Variants in PTGER4 observed in about 807,000 individuals in gnomAD.
The protein encoded by PTGER4 is prostaglandin E receptor 4.
A neutral mutation model predicts 33.2 loss-of-function variants in PTGER4; 11 were observed. The observed-to-expected ratio is 0.33, with a 90% CI of 0.21 to 0.55. PTGER4 has a LOEUF of 0.55. Among genes scored for constraint, PTGER4 ranks in the 20% least tolerant of loss-of-function variants. The pLI is 0.92. For missense variants in PTGER4, 481 were observed against 650.2 expected (o/e 0.74, Z 2.83); for synonymous variants, 275 against 281.5 (o/e 0.98, Z 0.23).
downstream of PTGER4, among the ~76,000 whole-genome samples, chr5:40,695,729 A>G (rs1371456872): frequency 6.6e-6 from 1 of 152,104 alleles, no homozygotes; most frequent in Admixed American, 6.5e-5. Context: ...AAAAAATGGT[A>G]CTTTGTGCGG....
chr5:40,743,752 C>T, the PTGER4 span, among the ~76,000 whole-genome samples: 43 of 152,176 alleles, frequency 2.8e-4, no homozygotes, highest in African/African-American at 1.0e-3. Flanking sequence ...CCAGCCTGGG[C>T]AACAGTGCAA....
At chr5:40,695,521 G>A (rs1054246675), downstream of PTGER4, among the ~76,000 whole-genome samples, 2 of 151,972 alleles carry the variant, frequency 1.3e-5, no homozygotes, top group Non-Finnish European at 2.9e-5. Context: ...ACTCTAGCCT[G>A]GGCGACACAG....
At chr5:40,716,215 A>G in the PTGER4 span, 4 of 1,614,066 alleles carry the variant, frequency 2.5e-6, no homozygotes, top group African/African-American at 5.3e-5. Flanking sequence ...TACAGTCTCT[A>G]TGGCCCCAGA....
At chr5:40,725,003 T>C in the PTGER4 span, among the ~76,000 whole-genome samples, 33,110 of 151,784 alleles carry the variant, frequency 0.22, 4,320 homozygotes, top group Admixed American at 0.37. Flanking sequence ...CACACCACCA[T>C]GCCTGGCTAA....
downstream of PTGER4, among the ~76,000 whole-genome samples, chr5:40,697,170 A>G (rs1741618099): frequency 6.7e-6 from 1 of 149,712 alleles, no homozygotes; most frequent in South Asian, 2.1e-4. Context: ...GAAAAGAAAG[A>G]AAGGAAGAAA....
In PTGER4 at chr5:40,691,706, G is replaced by A. The variant is rs1407503768; in HGVS notation, c.868-73G>A. The A allele has an allele frequency of 4.6e-6, 7 of 1,524,326 alleles. No individual in the cohort carries two copies. The highest frequency in any genetic ancestry group is 1.4e-5 in the African/African-American group (1 of 72,114). 94.4% of individuals were successfully genotyped at this position (1,524,326 alleles called of 1,614,324 possible). On this transcript the variant is annotated intron_variant, in intron 2 of 2. Coordinates refer to ENST00000302472, the MANE Select transcript of PTGER4 (RefSeq NM_000958.3). This position sits in a 1 kb window ranked among gnomAD's most constrained non-coding sequence, Gnocchi z 4.2. ...GAAGGCAGCTTCCTAATATTGATAA[G>A]GTAGACATAGCATTTATATGTTTTC...
At chr5:40,723,239 G>A in the PTGER4 span, among the ~76,000 whole-genome samples, 2 of 152,040 alleles carry the variant, frequency 1.3e-5, no homozygotes, top group Non-Finnish European at 2.9e-5. Context: ...AAGGCAGCAT[G>A]CTCCTTAAGA....
chr5:40,704,865 G>A, the PTGER4 span, among the ~76,000 whole-genome samples: 2 of 152,138 alleles, frequency 1.3e-5, no homozygotes, highest in Non-Finnish European at 2.9e-5. Flanking sequence ...CTCATGGATA[G>A]GAAGAATCAA....
the PTGER4 span, chr5:40,730,322 C>T: frequency 4.3e-6 from 7 of 1,613,110 alleles, no homozygotes; most frequent in Non-Finnish European, 5.1e-6. Flanking sequence ...CTTCATCCCA[C>T]TTCTGAATTG....
At chr5:40,738,609 A>G in the PTGER4 span, among the ~76,000 whole-genome samples, 3 of 128,290 alleles carry the variant, frequency 2.3e-5, no homozygotes, top group Admixed American at 8.0e-5. Context: ...TAAAATAAAA[A>G]AGTGAAACAA....
chr5:40,696,687 A>T, downstream of PTGER4: 1 of 985,146 alleles, frequency 1.0e-6, no homozygotes, highest in Non-Finnish European at 1.2e-6. Context: ...GAAGAGAAGG[A>T]CAGAAGAGAA....
At chr5:40,718,981 C>A in the PTGER4 span, among the ~76,000 whole-genome samples, 2 of 152,210 alleles carry the variant, frequency 1.3e-5, no homozygotes, top group Admixed American at 1.3e-4. Flanking sequence ...TAATAAAAAT[C>A]CACCTATATA....
At chr5:40,705,450 C>A in the PTGER4 span, among the ~76,000 whole-genome samples, 90 of 152,090 alleles carry the variant, frequency 5.9e-4, no homozygotes, top group African/African-American at 2.2e-3. Flanking sequence ...AAAAGCAATT[C>A]CAACAAAAGC....
At position 40,681,324 on chromosome 5, in the gene PTGER4, T is replaced by A. The variant is rs1386443607; in HGVS notation, c.331T>A (p.Cys111Ser). 6.2e-7 allele frequency: 1 copy of A among 1,614,092 alleles called. No homozygotes were observed. Among genetic ancestry groups the A allele is most frequent in the Non-Finnish European group, 8.5e-7 (1 of 1,180,034 alleles). The change falls in exon 2 of 3, where the codon TGC becomes AGC. Residue 111 changes from cysteine (C) to serine (S), a missense_variant. By Grantham distance (112) the Cys-to-Ser change is moderately radical. Coordinates refer to ENST00000302472, the MANE Select transcript of PTGER4 (RefSeq NM_000958.3). The surrounding 1 kb of genome is among the most constrained non-coding windows in gnomAD (Gnocchi z 9.8). ...CAGCCTGTCCGGCCTCAGCATCATC[T>A]GCGCCATGAGTGTCGAGCGCTACCT... ...FFSLSGLSII[C>S]AMSVERYLAI...
chr5:40,728,610 C>A, the PTGER4 span: 1 of 745,524 alleles, frequency 1.3e-6, no homozygotes, highest in Non-Finnish European at 2.0e-6. Context: ...TTACCCCTTA[C>A]TCTGCCATTC....
the PTGER4 span, among the ~76,000 whole-genome samples, chr5:40,707,174 T>C: frequency 6.6e-6 from 1 of 152,106 alleles, no homozygotes; most frequent in African/African-American, 2.4e-5. Context: ...AATTCACACA[T>C]AACAATATTA....
the PTGER4 span, among the ~76,000 whole-genome samples, chr5:40,702,905 C>T: frequency 0.23 from 35,121 of 152,068 alleles, 4,608 homozygotes; most frequent in Admixed American, 0.38. Flanking sequence ...CAACATGGTC[C>T]TGAATGACTT....
At chr5:40,723,098 C>A in the PTGER4 span, among the ~76,000 whole-genome samples, 8 of 152,272 alleles carry the variant, frequency 5.3e-5, no homozygotes, top group Admixed American at 2.6e-4. Context: ...AAGAAAAATT[C>A]TTCTGCCTTG....
the PTGER4 span, chr5:40,716,218 G>T: frequency 6.2e-7 from 1 of 1,614,138 alleles, no homozygotes; most frequent in South Asian, 1.1e-5. Flanking sequence ...AGTCTCTATG[G>T]CCCCAGAAGC....
Sources: allele counts gnomAD v4.1 joint callset (sites outside exome capture counted in the v4.1 genomes callset), GRCh38; gene constraint gnomAD v4.1.1; non-coding constraint Gnocchi (gnomAD v3.1); transcripts MANE v1.5; gene names NCBI Gene and HGNC (gene_info 2026-07-23, HGNC 2026-07-21).